The following ADGRL2 variants were observed in gnomAD, a reference collection of about 807,000 sequenced individuals.
ADGRL2 encodes calcium-independent alpha-latrotoxin receptor 2.
In ADGRL2, 44 loss-of-function variants were observed where a neutral mutation model predicts 157.4. That is an observed-to-expected ratio of 0.28 (90% CI 0.22 to 0.36). The LOEUF (loss-of-function observed/expected upper bound fraction) is 0.36. ADGRL2 is among the 10% of genes least tolerant of loss of function. The probability of loss-of-function intolerance (pLI) is 1.00; values close to 1 mark genes in which losing one functional copy is unlikely to be tolerated. For synonymous variants in ADGRL2, 585 were observed against 624.7 expected (o/e 0.94, Z 0.95); for missense variants, 1,510 against 1,768.9 (o/e 0.85, Z 2.63).
At chr1:81,469,433 A>G (rs1227287120) in intron 2 of ADGRL2, among the ~76,000 whole-genome samples, 1 of 152,222 alleles carries the variant, frequency 6.6e-6, no homozygotes, top group East Asian at 1.9e-4. Context: ...ACAGACTCAC[A>G]TCCACTCTCA....
chr1:81,534,351 G>A (rs1197501865), intron 2 of ADGRL2, among the ~76,000 whole-genome samples: 3 of 151,980 alleles, frequency 2.0e-5, no homozygotes, highest in African/African-American at 2.4e-5. Flanking sequence ...CGGTAGAGAC[G>A]GGGTTTCACC....
chr1:81,521,604 G>C (rs1479049561), intron 2 of ADGRL2, among the ~76,000 whole-genome samples: 16 of 152,154 alleles, frequency 1.1e-4, no homozygotes. Context: ...ATGAAGCAGA[G>C]TCTGTAAGTG....
Position 81,783,629 on chromosome 1 carries a change from T to A in ADGRL2, c.-101+21777T>A, listed in dbSNP as rs79208863. Among the ~76,000 whole-genome samples, 3 of 152,202 alleles carry A rather than the reference T, an allele frequency of 2.0e-5. No homozygotes were observed. The East Asian group carries it at 5.8e-4, about 29-fold the overall frequency. On this transcript the variant is annotated intron_variant, in intron 2 of 20. Coordinates refer to the ADGRL2 transcript ENST00000359929. The stretch of plus-strand genomic sequence containing the variant: ...AAATGATCATTTAAAACATTAGAAA[T>A]ACAAACAATAATACTAGCATATGTA...
rs1260927198 is a variant in ADGRL2, at chr1:81,767,765, G to A, written c.-101+5913G>A. Among the ~76,000 whole-genome samples the A allele has an allele frequency of 4.0e-5, 6 of 151,324 alleles. No individual in the cohort carries two copies. The South Asian group carries it at 6.3e-4, about 16-fold the overall frequency. On this transcript the variant is annotated intron_variant, in intron 2 of 20. Transcript: ENST00000359929. Reference sequence around the variant, plus strand: ...CAAGTGCCTGTAGTCCCAGCTACCCGGGAGGCTGAGGTGAGAGGGACAATG... The same window carrying A: ...CAAGTGCCTGTAGTCCCAGCTACCCAGGAGGCTGAGGTGAGAGGGACAATG...
intron 2 of ADGRL2, among the ~76,000 whole-genome samples, chr1:81,781,642 C>G (rs1280995373): frequency 6.6e-6 from 1 of 152,120 alleles, no homozygotes; most frequent in Non-Finnish European, 1.5e-5. Flanking sequence ...ACATACACAC[C>G]TGCGATTTCC....
intron 2 of ADGRL2, among the ~76,000 whole-genome samples, chr1:81,769,562 A>C (rs2086270507): frequency 6.6e-6 from 1 of 151,716 alleles, no homozygotes; most frequent in African/African-American, 2.4e-5. Flanking sequence ...TCCCTTTACC[A>C]ATATTATACT....
chr1:81,960,451 C>T (rs1654969873), intron 11 of ADGRL2, among the ~76,000 whole-genome samples: 1 of 151,910 alleles, frequency 6.6e-6, no homozygotes, highest in Non-Finnish European at 1.5e-5. Context: ...TTGTAAAATT[C>T]CCTTTTATTT....
intron 1 of ADGRL2, among the ~76,000 whole-genome samples, chr1:81,398,237 G>A (rs1442211230): frequency 6.6e-6 from 1 of 151,762 alleles, no homozygotes; most frequent in Non-Finnish European, 1.5e-5. Flanking sequence ...ATATAGCTGA[G>A]TCATGTTTTT....
At position 81,991,007 on chromosome 1, in the gene ADGRL2, A is replaced by G. The variant is rs746971951; in HGVS notation, c.4272A>G (p.Gly1424=). ...ACTATAAAAGCATGCCAAATCTTGGAGCTGGCCATCAGCTTCAGATGTGCT... is the reference window on the plus strand; with the variant it reads ...ACTATAAAAGCATGCCAAATCTTGGGGCTGGCCATCAGCTTCAGATGTGCT... ...DIYYKSMPNL[G]AGHQLQMCYQ... The change falls in exon 24 of 24, where the codon GGA becomes GGG. Residue 1424 remains glycine (G), a synonymous_variant. Transcript: ENST00000686636. 3.7e-6 allele frequency: 6 copies of G among 1,614,024 alleles called. 1 individual carries two copies. In the South Asian group the frequency reaches 6.6e-5, roughly 18 times the overall value.
At chr1:81,524,177 A>G (rs192398559) in intron 2 of ADGRL2, among the ~76,000 whole-genome samples, 5 of 150,856 alleles carry the variant, frequency 3.3e-5, no homozygotes, top group African/African-American at 9.8e-5. Flanking sequence ...TGGCTAACAC[A>G]GTGAAACCCC....
At chr1:81,484,375 A>C (rs530572877) in intron 2 of ADGRL2, among the ~76,000 whole-genome samples, 8 of 152,150 alleles carry the variant, frequency 5.3e-5, no homozygotes, top group Non-Finnish European at 8.8e-5. Flanking sequence ...AATGAACCTC[A>C]ACACAGACCC....
chr1:81,528,504 G>T (rs976970512), intron 2 of ADGRL2, among the ~76,000 whole-genome samples: 2 of 151,906 alleles, frequency 1.3e-5, no homozygotes, highest in South Asian at 2.1e-4. Context: ...AAAATTAGCC[G>T]GGCGCTGTGG....
At chr1:81,951,587 C>G (rs1651814621) in intron 8 of ADGRL2, among the ~76,000 whole-genome samples, 1 of 152,072 alleles carries the variant, frequency 6.6e-6, no homozygotes, top group African/African-American at 2.4e-5. Flanking sequence ...GAATAAACAT[C>G]AGATAATAAC....
intron 2 of ADGRL2, among the ~76,000 whole-genome samples, chr1:81,493,165 A>G (rs1346796883): frequency 1.3e-5 from 2 of 152,220 alleles, no homozygotes; most frequent in East Asian, 3.8e-4. Context: ...TGTGAAATGT[A>G]TTTCAGGAGA....
intron 1 of ADGRL2, among the ~76,000 whole-genome samples, chr1:81,805,120 T>C (rs1271538082): frequency 6.6e-6 from 1 of 152,124 alleles, no homozygotes; most frequent in African/African-American, 2.4e-5. Context: ...TAGTATTCAG[T>C]TGGTTTATTT....
At chr1:81,715,683 A>C (rs911097369) in intron 1 of ADGRL2, among the ~76,000 whole-genome samples, 3 of 152,132 alleles carry the variant, frequency 2.0e-5, no homozygotes, top group Admixed American at 1.3e-4. Context: ...AACAGAGACA[A>C]ATATAGCTCT....
intron 2 of ADGRL2, among the ~76,000 whole-genome samples, chr1:81,840,413 T>C (rs1409569133): frequency 3.3e-5 from 5 of 152,152 alleles, no homozygotes; most frequent in Admixed American, 6.6e-5. Context: ...CACATAATTT[T>C]GGATTTGCTT....
chr1:81,753,587 G>A (rs2085563202), intron 1 of ADGRL2, among the ~76,000 whole-genome samples: 2 of 152,158 alleles, frequency 1.3e-5, no homozygotes, highest in Admixed American at 6.5e-5. Context: ...ATACTGATAT[G>A]TTTGAGAAAA....
At chr1:81,540,771 G>A (rs920293298) in intron 2 of ADGRL2, among the ~76,000 whole-genome samples, 8 of 152,162 alleles carry the variant, frequency 5.3e-5, no homozygotes, top group Non-Finnish European at 1.0e-4. Context: ...AGGCAATGAA[G>A]GGTTTCAAAA....
Sources: allele counts gnomAD v4.1 joint callset (sites outside exome capture counted in the v4.1 genomes callset), GRCh38; gene constraint gnomAD v4.1.1; transcripts MANE v1.5; gene names NCBI Gene and HGNC (gene_info 2026-07-23, HGNC 2026-07-21).